TASOR2: variants seen among roughly 807,000 people sequenced by gnomAD.
TASOR2 encodes the protein protein TASOR 2.
A neutral mutation model predicts 199.5 loss-of-function variants in TASOR2; 84 were observed. That is an observed-to-expected ratio of 0.42 (90% CI 0.35 to 0.50). The LOEUF is 0.50. Among genes scored for constraint, TASOR2 ranks in the 20% least tolerant of loss-of-function variants. The pLI, the probability that TASOR2 is intolerant of heterozygous loss-of-function variation, is 0.02. For synonymous variants in TASOR2, 1,103 were observed against 1,046.6 expected, an observed-to-expected ratio of 1.05 and a Z score of -1.04; for missense variants, 2,796 against 2,835.9, an observed-to-expected ratio of 0.99 and a Z score of 0.32.
At chr10:5,727,888 A>G (rs1206504353) in intron 10 of TASOR2, among the ~76,000 whole-genome samples, 1 of 152,142 alleles carries the variant, frequency 6.6e-6, no homozygotes, top group African/African-American at 2.4e-5. Context: ...TAGCAATGCC[A>G]GGCACCTATA....
exon 13 of TASOR2, chr10:5,739,749 G>C (rs369555939): frequency 6.2e-7 from 1 of 1,614,056 alleles, no homozygotes; most frequent in East Asian, 2.2e-5. Context: ...AAACTCCATC[G>C]TCAACTATGA....
intron 1 of TASOR2, among the ~76,000 whole-genome samples, chr10:5,707,743 CACACACACACA>C (rs1838839376): frequency 1.2e-5 from 1 of 81,242 alleles, no homozygotes; most frequent in African/African-American, 3.3e-5. Context: ...CACACACACA[CACACACACACA>C]CACACACACA....
chr10:5,722,881 G>A lies in TASOR2; in HGVS notation c.147-796G>A, dbSNP rs568568651. 5.9e-5 allele frequency among the ~76,000 whole-genome samples: 9 copies of A among 151,416 alleles called. No individual in the cohort carries two copies. In the East Asian group the frequency reaches 1.8e-3, roughly 30 times the overall value. ...AAATTAGCTGGGCATGGTGCGGCAT[G>A]CTTGTAATCCCAGCTATTCGGGAGG... is the stretch of plus-strand genomic sequence containing the variant. On this transcript the variant is annotated intron_variant, in intron 6 of 20. Coordinates refer to ENST00000328090, the Ensembl canonical transcript of TASOR2. This position sits in a 1 kb window ranked among gnomAD's most constrained non-coding sequence, Gnocchi z 4.0.
chr10:5,704,753 T>C (rs1388641601), intron 1 of TASOR2, among the ~76,000 whole-genome samples: 3 of 152,346 alleles, frequency 2.0e-5, no homozygotes, highest in South Asian at 2.1e-4. Context: ...CAGTTTCTTA[T>C]AGCTATTTTA....
chr10:5,684,898 G>A, exon 1 of TASOR2: 1 of 397,780 alleles, frequency 2.5e-6, no homozygotes, highest in Non-Finnish European at 4.4e-6. Flanking sequence ...GCTGCCGGGC[G>A]TCCCGGGGTT....
chr10:5,711,514 A>T (rs566951426), intron 1 of TASOR2, among the ~76,000 whole-genome samples: 2 of 152,268 alleles, frequency 1.3e-5, no homozygotes, highest in Admixed American at 6.5e-5. Flanking sequence ...TAATAAAGAG[A>T]ATAGAAAGAG....
intron 17 of TASOR2, 42 bp downstream of exon 18, chr10:5,757,715 C>G (rs1357304960): frequency 3.1e-6 from 5 of 1,596,262 alleles, no homozygotes; most frequent in Non-Finnish European, 3.4e-6. Flanking sequence ...GAAGTCAGAT[C>G]AACTTCTCAC....
chr10:5,761,551 G>A, intron 19 of TASOR2, 80 bp downstream of exon 20: 3 of 1,252,774 alleles, frequency 2.4e-6, no homozygotes, highest in Middle Eastern at 1.9e-4. Context: ...ACCTGATGAA[G>A]AGTATCAGGT....
intron 14 of TASOR2, among the ~76,000 whole-genome samples, chr10:5,743,293 T>A (rs976659050): frequency 1.3e-5 from 2 of 152,202 alleles, no homozygotes. Context: ...TTGGAGGTCC[T>A]TGGGTGAGCC....
At position 5,698,076 on chromosome 10, in the gene TASOR2, A is replaced by G. The variant is rs1247606690; in HGVS notation, c.-288+12901A>G. On this transcript the variant is annotated intron_variant, in intron 1 of 20. Coordinates refer to ENST00000328090, the Ensembl canonical transcript of TASOR2. The surrounding 1 kb of genome is among the most constrained non-coding windows in gnomAD (Gnocchi z 4.4). The stretch of plus-strand genomic sequence containing the variant: ...TTCCTTATGTTCACTCCATGACCCT[A>G]TGCAGTTCCTTTCATTAAAGTGACA... Among the ~76,000 whole-genome samples the G allele has an allele frequency of 6.6e-6, 1 of 152,158 alleles. No homozygotes were observed. The highest frequency in any genetic ancestry group is 1.5e-5 in the Non-Finnish European group (1 of 68,022).
intron 18 of TASOR2, among the ~76,000 whole-genome samples, chr10:5,760,354 T>G (rs1266475879): frequency 6.6e-6 from 1 of 152,218 alleles, no homozygotes; most frequent in Non-Finnish European, 1.5e-5. Context: ...CAGTATGCTC[T>G]TCATATTATA....
chr10:5,726,357 T>C (rs1834061770), intron 8 of TASOR2, among the ~76,000 whole-genome samples: 2 of 152,350 alleles, frequency 1.3e-5, no homozygotes, highest in South Asian at 4.1e-4. Context: ...TATTTTCATC[T>C]GTATTTCTTG....
chr10:5,755,810 A>G (rs1225235508), intron 15 of TASOR2, among the ~76,000 whole-genome samples: 3 of 152,018 alleles, frequency 2.0e-5, no homozygotes, highest in African/African-American at 7.3e-5. Flanking sequence ...AGCCTGAGCA[A>G]CATAGACCTC....
In TASOR2 at chr10:5,698,526, G is replaced by A. The variant is rs1285345499; in HGVS notation, c.-288+13351G>A. Among the ~76,000 whole-genome samples, 1 of 152,134 alleles carries A rather than the reference G, an allele frequency of 6.6e-6. No homozygotes were observed. Among genetic ancestry groups the A allele is most frequent in the African/African-American group, 2.4e-5 (1 of 41,436 alleles). ...TATTAGCAGAAAATAAATCACAAGT[G>A]GTCAAGCTACTGCCTGTGGTCTTGC... On this transcript the variant is annotated intron_variant, in intron 1 of 20. Transcript: ENST00000328090. The surrounding 1 kb of genome is among the most constrained non-coding windows in gnomAD (Gnocchi z 4.4).
At chr10:5,684,935 G>T (rs1835638704) in exon 1 of TASOR2, 1 of 398,040 alleles carries the variant, frequency 2.5e-6, no homozygotes. Flanking sequence ...CCTGACGGGA[G>T]ACAGAGCGCG....
Position 5,685,042 on chromosome 10 carries a change from C to G in TASOR2, c.-421C>G, listed in dbSNP as rs1469791447. 1 of 397,788 alleles carries G rather than the reference C, an allele frequency of 2.5e-6. No individual in the cohort carries two copies. The highest frequency in any genetic ancestry group is 2.1e-5 in the African/African-American group (1 of 48,606). The allele number at this position is 397,788 out of a possible 1,614,324, so 24.6% of individuals were successfully genotyped here. ...GGGGGTCCCCGCGGGAGCGCGGAGC[C>G]GGCGACTGGTGCTTCCCACGTGCGC... On this transcript the variant is annotated 5_prime_UTR_variant, in exon 1 of 21. Coordinates refer to ENST00000328090, the Ensembl canonical transcript of TASOR2. The surrounding 1 kb of genome is among the most constrained non-coding windows in gnomAD (Gnocchi z 5.4).
At position 5,699,418 on chromosome 10, in the gene TASOR2, G is replaced by A. The variant is rs1431067729; in HGVS notation, c.-287-13405G>A. On this transcript the variant is annotated intron_variant, in intron 1 of 20. Coordinates refer to ENST00000328090, the Ensembl canonical transcript of TASOR2. The surrounding 1 kb of genome is among the most constrained non-coding windows in gnomAD (Gnocchi z 4.1). ...ATTGTGGTGAAGGTTGCACAATTCT[G>A]TGGATATACTAAGCACAATTCTGTG... 1 of 152,164 alleles carries A rather than the reference G, an allele frequency of 6.6e-6. No individual in the cohort carries two copies. Among genetic ancestry groups the A allele is most frequent in the Non-Finnish European group, 1.5e-5 (1 of 68,004 alleles). 9.4% of individuals were successfully genotyped at this position (152,164 alleles called of 1,614,324 possible).
intron 8 of TASOR2, 97 bp downstream of exon 9, chr10:5,724,630 TATATAG>T (rs1260290959): frequency 2.8e-4 from 23 of 82,546 alleles, no homozygotes; most frequent in East Asian, 1.6e-3. Flanking sequence ...ATTATATATA[TATATAG>T]ATAGATAGAT....
chr10:5,720,253 A>T lies in TASOR2; in HGVS notation c.-99-291A>T. ...GCATCTGATTAGTTTTAATATTTTC[A>T]TTCTAGGGAAAAGTCAAGTTTGTGT... On this transcript the variant is annotated intron_variant, in intron 3 of 20. Coordinates refer to ENST00000328090, the Ensembl canonical transcript of TASOR2. The surrounding 1 kb of genome is among the most constrained non-coding windows in gnomAD (Gnocchi z 5.3). The T allele has an allele frequency of 1.0e-6, 1 of 985,246 alleles. No individual in the cohort carries two copies. The highest frequency in any genetic ancestry group is 1.2e-6 in the Non-Finnish European group (1 of 829,750). 61.0% of individuals were successfully genotyped at this position (985,246 alleles called of 1,614,324 possible).
Sources: gnomAD v4.1 joint callset for allele counts (sites outside exome capture counted in the v4.1 genomes callset) on GRCh38, gnomAD v4.1.1 for gene constraint, Gnocchi (gnomAD v3.1) non-coding constraint, MANE v1.5 for transcripts, NCBI Gene and HGNC (gene_info 2026-07-23, HGNC 2026-07-21) for gene names.